Variants in SHROOM3 observed in about 807,000 individuals in gnomAD.
SHROOM3 encodes the protein shroom family member 3.
A neutral mutation model predicts 138.6 loss-of-function variants in SHROOM3; 47 were observed. That is an observed-to-expected ratio of 0.34 (90% confidence interval 0.27 to 0.43). The LOEUF (loss-of-function observed/expected upper bound fraction) is 0.43. Among genes scored for constraint, SHROOM3 ranks in the 20% least tolerant of loss-of-function variants. The probability of loss-of-function intolerance (pLI) is 1.00; values close to 1 mark genes in which losing one functional copy is unlikely to be tolerated. For missense variants in SHROOM3, 2,491 were observed against 2,596.5 expected (o/e 0.96, Z 0.88); for synonymous variants, 1,062 against 1,063.3 (o/e 1.00, Z 0.02).
chr4:76,629,038 G>T (rs1735233712), intron 2 of SHROOM3: 1 of 152,334 alleles, frequency 6.6e-6, no homozygotes, highest in Non-Finnish European at 1.5e-5. Flanking sequence ...TAGAGATGGG[G>T]TTTTGCCATG....
chr4:76,474,240 A>G (rs181915114), intron 1 of SHROOM3, among the ~76,000 whole-genome samples: 1 of 152,358 alleles, frequency 6.6e-6, no homozygotes, highest in East Asian at 1.9e-4. Context: ...AAGCAAATCC[A>G]TAAACACAGA....
intron 1 of SHROOM3, among the ~76,000 whole-genome samples, chr4:76,549,831 G>A (rs192656068): frequency 1.3e-5 from 2 of 152,302 alleles, no homozygotes; most frequent in East Asian, 1.9e-4. Flanking sequence ...GGCTGATGGA[G>A]CATCCCTTAA....
chr4:76,679,568 A>G (rs1459930228), intron 2 of SHROOM3, among the ~76,000 whole-genome samples: 1 of 150,244 alleles, frequency 6.7e-6, no homozygotes, highest in Non-Finnish European at 1.5e-5. Context: ...TTTCTAGAAG[A>G]AAAAAAAAAG....
At position 76,783,236 on chromosome 4, in the gene SHROOM3, T is replaced by G. The variant is rs575271836; in HGVS notation, c.*4059T>G. On this transcript the variant is annotated 3_prime_UTR_variant, in exon 11 of 11. Transcript: ENST00000296043. ...TTGAAGTTAAATTTAAAAATAAAAA[T>G]AACCTCAGAAGTTGAAAGTCCTGTC... 2.6e-5 allele frequency: 4 copies of G among 152,324 alleles called. No homozygotes were observed. The South Asian group carries it at 8.3e-4, about 32-fold the overall frequency. The allele number at this position is 152,324 out of a possible 1,614,324, so 9.4% of individuals were successfully genotyped here. A position where few individuals can be genotyped will look rare whatever the true frequency, so the allele number is the denominator to read the frequency against.
At chr4:76,605,990 C>CACAT (rs1553927820) in intron 2 of SHROOM3, among the ~76,000 whole-genome samples, 37 of 84,714 alleles carry the variant, frequency 4.4e-4, no homozygotes, top group African/African-American at 2.0e-3. Context: ...CACACACACA[C>CACAT]ATATATATAT....
At chr4:76,704,857 G>C (rs1372456711) in intron 2 of SHROOM3, among the ~76,000 whole-genome samples, 1 of 152,172 alleles carries the variant, frequency 6.6e-6, no homozygotes, top group Non-Finnish European at 1.5e-5. Context: ...CAAAAAAGGA[G>C]GAAATGGCTG....
rs1346182883 is a variant in SHROOM3 at position 76,782,320 on chromosome 4, G to C, written c.*3143G>C. The C allele has an allele frequency of 6.6e-6, 1 of 152,192 alleles. No individual in the cohort carries two copies. The highest frequency in any genetic ancestry group is 1.5e-5 in the Non-Finnish European group (1 of 68,042). The allele number at this position is 152,192 out of a possible 1,614,324, so 9.4% of individuals were successfully genotyped here. On this transcript the variant is annotated 3_prime_UTR_variant, in exon 11 of 11. Coordinates refer to ENST00000296043, the MANE Select transcript of SHROOM3 (RefSeq NM_020859.4). The stretch of plus-strand genomic sequence containing the variant: ...CAGACTAGAAGATTAACAAGTTTGG[G>C]TCCACCCCTAAGAATCAGTGGCTGT...
At position 76,548,141 on chromosome 4, in the gene SHROOM3, T is replaced by C. The variant is rs78800875; in HGVS notation, c.169-7468T>C. ...TCCCTGGGGGAAAAGCATTCCAGGCTGAGGGAACAGCAAGTCTAAGGCCCC... is the reference window on the plus strand; with the variant it reads ...TCCCTGGGGGAAAAGCATTCCAGGCCGAGGGAACAGCAAGTCTAAGGCCCC... On this transcript the variant is annotated intron_variant, in intron 1 of 10. Transcript: ENST00000296043. 2.2e-3 allele frequency among the ~76,000 whole-genome samples: 337 copies of C among 152,382 alleles called. 11 individuals carry two copies. In the East Asian group the frequency reaches 0.061, roughly 28 times the overall value.
chr4:76,442,967 G>A (rs1489382516), intron 1 of SHROOM3, among the ~76,000 whole-genome samples: 1 of 152,208 alleles, frequency 6.6e-6, no homozygotes. Context: ...AGGCCAGTGT[G>A]CACACAGGTT....
At position 76,661,234 on chromosome 4, in the gene SHROOM3, C is replaced by CTTTTTTTTTTTTT. The variant is rs912334272; in HGVS notation, c.324-48910_324-48909insTTTTTTTTTTTTT. Reference sequence around the variant, plus strand: ...TCCCTATCAAACTATAATCCATTTTCTTTTTTTTTTTTCTGAGACGGAGTC... The same window carrying CTTTTTTTTTTTTT: ...TCCCTATCAAACTATAATCCATTTTCTTTTTTTTTTTTTTTTTTTTTTTTTCTGAGACGGAGTC... On this transcript the variant is annotated intron_variant, in intron 2 of 10. Coordinates refer to ENST00000296043, the MANE Select transcript of SHROOM3 (RefSeq NM_020859.4). Among the ~76,000 whole-genome samples, 234 of 145,994 alleles carry CTTTTTTTTTTTTT rather than the reference C, an allele frequency of 1.6e-3. 1 individual carries two copies. The highest frequency in any genetic ancestry group is 5.3e-3 in the African/African-American group (211 of 39,906).
intron 1 of SHROOM3, among the ~76,000 whole-genome samples, chr4:76,548,641 C>T (rs1395607324): frequency 6.6e-6 from 1 of 152,208 alleles, no homozygotes; most frequent in South Asian, 2.1e-4. Flanking sequence ...TCACTCATTA[C>T]GTGCAGGCAC....
chr4:76,464,372 A>T (rs1360545935), intron 1 of SHROOM3, among the ~76,000 whole-genome samples: 1 of 152,078 alleles, frequency 6.6e-6, no homozygotes, highest in African/African-American at 2.4e-5. Flanking sequence ...CATTTACCCA[A>T]TGCCTGTACC....
intron 1 of SHROOM3, among the ~76,000 whole-genome samples, chr4:76,442,719 T>C (rs985968231): frequency 2.6e-5 from 4 of 152,110 alleles, no homozygotes; most frequent in African/African-American, 4.8e-5. Flanking sequence ...CCACCCTTTA[T>C]ACTTTTCTAT....
chr4:76,552,044 G>GTCC (rs1733372050), intron 1 of SHROOM3, among the ~76,000 whole-genome samples: 1 of 144,182 alleles, frequency 6.9e-6, no homozygotes, highest in African/African-American at 2.6e-5. Flanking sequence ...TGTATCTTTA[G>GTCC]TAGAGACGGG....
At chr4:76,775,070 A>C (rs568838301) in intron 10 of SHROOM3, among the ~76,000 whole-genome samples, 12 of 152,022 alleles carry the variant, frequency 7.9e-5, no homozygotes, top group Non-Finnish European at 1.0e-4. Flanking sequence ...AGCACTGTAC[A>C]CTGTACCCGA....
At chr4:76,452,119 A>T (rs758486100) in intron 1 of SHROOM3, among the ~76,000 whole-genome samples, 1 of 152,274 alleles carries the variant, frequency 6.6e-6, no homozygotes, top group Non-Finnish European at 1.5e-5. Context: ...TCAGATGAAT[A>T]AAAGATTCAG....
In SHROOM3 at chr4:76,492,644, C is replaced by T. The variant is rs570789812; in HGVS notation, c.168+56424C>T. Among the ~76,000 whole-genome samples, 12 of 152,292 alleles carry T rather than the reference C, an allele frequency of 7.9e-5. No individual in the cohort carries two copies. The South Asian group carries it at 2.3e-3, about 29-fold the overall frequency. On this transcript the variant is annotated intron_variant, in intron 1 of 10. Coordinates refer to ENST00000296043, the MANE Select transcript of SHROOM3 (RefSeq NM_020859.4). Reference sequence around the variant, plus strand: ...TCTAGTCCTGACTCCGCATTAATAACTGCCACTCAGGGAAAATTGTTTAAC... The same window carrying T: ...TCTAGTCCTGACTCCGCATTAATAATTGCCACTCAGGGAAAATTGTTTAAC...
At chr4:76,647,248 T>A (rs1735843265) in intron 2 of SHROOM3, among the ~76,000 whole-genome samples, 2 of 152,122 alleles carry the variant, frequency 1.3e-5, no homozygotes, top group East Asian at 1.9e-4. Flanking sequence ...GTGTTAGATA[T>A]TAAAGGCTGG....
intron 2 of SHROOM3, among the ~76,000 whole-genome samples, chr4:76,677,147 A>G (rs1422515923): frequency 6.6e-6 from 1 of 152,136 alleles, no homozygotes. Flanking sequence ...TTACGAGGTA[A>G]AAAGGGTTTA....
Sources: gnomAD v4.1 joint callset for allele counts (sites outside exome capture counted in the v4.1 genomes callset) on GRCh38, gnomAD v4.1.1 for gene constraint, MANE v1.5 for transcripts, NCBI Gene and HGNC (gene_info 2026-07-23, HGNC 2026-07-21) for gene names.